UGT2A2: variants seen among roughly 807,000 people sequenced by gnomAD.
UGT2A2 encodes UDP-glucuronosyltransferase 2A2.
Under a neutral mutation model 50.7 loss-of-function variants are expected in UGT2A2, and 60 were observed. The ratio of observed to expected loss-of-function variants is 1.18; its 90% CI spans 0.96 to 1.47. The LOEUF (loss-of-function observed/expected upper bound fraction) is 1.47, where lower values mean the gene tolerates loss of function less well. Ranked by LOEUF, UGT2A2 falls within the 40% of genes most tolerant of loss-of-function variation. UGT2A2 has a pLI of 0.00. For synonymous variants in UGT2A2, 242 were observed against 214.6 expected, an observed-to-expected ratio of 1.13 and a Z score of -1.11; for missense variants, 762 against 634.0, an observed-to-expected ratio of 1.20 and a Z score of -2.17.
chr4:69,598,105 G>A (rs1719047901), intron 2 of UGT2A2, among the ~76,000 whole-genome samples: 1 of 152,048 alleles, frequency 6.6e-6, no homozygotes, highest in Non-Finnish European at 1.5e-5. Flanking sequence ...TCTTTATTTA[G>A]ATATTGGTAC....
intron 1 of UGT2A2, among the ~76,000 whole-genome samples, chr4:69,616,396 T>C (rs976344546): frequency 6.6e-6 from 1 of 151,980 alleles, no homozygotes; most frequent in Non-Finnish European, 1.5e-5. Context: ...TTTCCTAACA[T>C]AGAAAAGATA....
intron 1 of UGT2A2, among the ~76,000 whole-genome samples, chr4:69,608,845 G>T (rs1015221257): frequency 2.0e-5 from 3 of 151,822 alleles, no homozygotes; most frequent in South Asian, 2.1e-4. Context: ...ACAGGCACAT[G>T]CCACCATGTC....
chr4:69,624,751 C>T (rs987886448), intron 1 of UGT2A2, among the ~76,000 whole-genome samples: 1 of 151,286 alleles, frequency 6.6e-6, no homozygotes, highest in Non-Finnish European at 1.5e-5. Flanking sequence ...ATACAGTTTA[C>T]TTCTATGTAT....
chr4:69,639,003 A>T lies in UGT2A2; in HGVS notation c.638T>A (p.Met213Lys). The T allele has an allele frequency of 6.2e-7, 1 of 1,613,314 alleles. No homozygotes were observed. Among genetic ancestry groups the T allele is most frequent in the Non-Finnish European group, 8.5e-7 (1 of 1,179,570 alleles). ...PAALSELTDQ[M>K]TFGERIKNTI... ...ATTTTTAATCCTTTCACCAAAGGTC[A>T]TCTGGTCAGTGAGCTCTGATAAGGC... Residue 213 changes from methionine to lysine, a missense_variant, in exon 1 of 6, where the codon ATG becomes AAG. Transcript: ENST00000604629.
intron 1 of UGT2A2, among the ~76,000 whole-genome samples, chr4:69,628,899 T>C (rs774782585): frequency 6.6e-6 from 1 of 151,778 alleles, no homozygotes; most frequent in Non-Finnish European, 1.5e-5. Flanking sequence ...AGTTATAGTC[T>C]ACACTGAGAG....
intron 1 of UGT2A2, among the ~76,000 whole-genome samples, chr4:69,634,012 G>A (rs1172255840): frequency 1.3e-5 from 2 of 152,082 alleles, no homozygotes; most frequent in Admixed American, 1.3e-4. Context: ...TTGGGAGGCC[G>A]AGGCGGGCGG....
chr4:69,593,742 T>A (rs113764895), intron 5 of UGT2A2, among the ~76,000 whole-genome samples: 287 of 151,960 alleles, frequency 1.9e-3, no homozygotes, highest in African/African-American at 6.6e-3. Context: ...TGTATACATA[T>A]ACTAATTAAA....
chr4:69,613,930 G>A (rs1245803712), intron 1 of UGT2A2, among the ~76,000 whole-genome samples: 6 of 151,978 alleles, frequency 3.9e-5, no homozygotes, highest in Non-Finnish European at 8.8e-5. Flanking sequence ...AGTAGGATAT[G>A]TGCTTTCACA....
Position 69,595,255 on chromosome 4 carries a change from G to A in UGT2A2, c.1024-6C>T. 1 of 1,613,268 alleles carries A rather than the reference G, an allele frequency of 6.2e-7. No individual in the cohort carries two copies. Among genetic ancestry groups the A allele is most frequent in the Non-Finnish European group, 8.5e-7 (1 of 1,179,722 alleles). On this transcript the variant is annotated splice_region_variant and splice_polypyrimidine_tract_variant and intron_variant, in intron 3 of 5. Coordinates refer to ENST00000604629, the MANE Select transcript of UGT2A2 (RefSeq NM_001105677.2). ...CCTTTGTATCTCCATAAAACCTGTG[G>A]AAAATGGTGCTTTAATTTTGCAAGG...
rs1396306472 is a variant in UGT2A2, at chr4:69,639,629, T to C, written c.12A>G (p.Ile4Met). 3.8e-6 allele frequency: 6 copies of C among 1,581,184 alleles called. No individual in the cohort carries two copies. Among genetic ancestry groups the C allele is most frequent in the Non-Finnish European group, 5.1e-6 (6 of 1,168,230 alleles). Residue 4 changes from isoleucine (I) to methionine (M), a missense_variant, in exon 1 of 6, where the codon ATA becomes ATG. Transcript: ENST00000604629. MVS[I>M]RDFTMPKKFV... ...ACTTCTTAGGCATGGTAAAATCCCT[T>C]ATGGAAACCATCCTACTGTAGATCC... is the stretch of plus-strand genomic sequence containing the variant.
Position 69,639,318 on chromosome 4 carries a change from G to T in UGT2A2, c.323C>A (p.Pro108Gln). ...GAAAGCCCATATTGTGAGAGGAGTT[G>T]GTCTATGGTCAATCCACAGCATTAT... ...HMIMLWIDHR[P>Q]TPLTIWAFYK... The change falls in exon 1 of 6, where the codon CCA becomes CAA. Residue 108 changes from proline (P) to glutamine (Q), a missense_variant. Transcript: ENST00000604629. 1.2e-6 allele frequency: 2 copies of T among 1,613,628 alleles called. No individual in the cohort carries two copies. The highest frequency in any genetic ancestry group is 1.7e-6 in the Non-Finnish European group (2 of 1,179,734).
chr4:69,620,803 A>G (rs986593420), intron 1 of UGT2A2, among the ~76,000 whole-genome samples: 1 of 151,940 alleles, frequency 6.6e-6, no homozygotes, highest in African/African-American at 2.4e-5. Flanking sequence ...AACATAGACA[A>G]AGGAAACAGA....
intron 1 of UGT2A2, among the ~76,000 whole-genome samples, chr4:69,621,675 C>A (rs1475478413): frequency 6.6e-6 from 1 of 151,856 alleles, no homozygotes; most frequent in Non-Finnish European, 1.5e-5. Flanking sequence ...GAATATAAAT[C>A]ATTCTATCAT....
At chr4:69,632,630 C>G (rs1721448946) in intron 1 of UGT2A2, among the ~76,000 whole-genome samples, 1 of 152,042 alleles carries the variant, frequency 6.6e-6, no homozygotes. Flanking sequence ...TGACTCAGGC[C>G]TGTAATCCCA....
rs1223525316 is a variant in UGT2A2 at position 69,623,730 on chromosome 4, G to C, written c.742+15169C>G. ...ATATTAGGATTCATCTCAAGTTAGT[G>C]TAAAATTATATGTAATACATTATAA... On this transcript the variant is annotated intron_variant, in intron 1 of 5. Transcript: ENST00000604629. 2.0e-5 allele frequency among the ~76,000 whole-genome samples: 3 copies of C among 151,140 alleles called. No individual in the cohort carries two copies. The East Asian group carries it at 5.8e-4, about 29-fold the overall frequency.
Sources: allele counts gnomAD v4.1 joint callset (sites outside exome capture counted in the v4.1 genomes callset), GRCh38; gene constraint gnomAD v4.1.1; transcripts MANE v1.5; gene names NCBI Gene and HGNC (gene_info 2026-07-23, HGNC 2026-07-21).